The following CCDC30 variants were observed in gnomAD, a reference collection of about 807,000 sequenced individuals.
The protein encoded by CCDC30 is coiled-coil domain-containing protein 30.
Under a neutral mutation model 100.2 loss-of-function variants are expected in CCDC30, and 70 were observed. The observed-to-expected ratio is 0.70, with a 90% CI of 0.58 to 0.85. The LOEUF is 0.85. Among genes scored for constraint, CCDC30 ranks in the 40% least tolerant of loss-of-function variants. CCDC30 has a pLI of 0.00. For missense variants in CCDC30, 652 were observed against 771.2 expected (o/e 0.85, Z 1.83); for synonymous variants, 233 against 269.5 (o/e 0.86, Z 1.33).
At chr1:42,461,053 G>A (rs560466062), upstream of CCDC30, among the ~76,000 whole-genome samples, 3 of 152,292 alleles carry the variant, frequency 2.0e-5, no homozygotes, top group East Asian at 5.8e-4. Context: ...ATGATCTGTA[G>A]GATAGTCCAG....
At chr1:42,590,530 C>T in intron 10 of CCDC30, 1 of 152,402 alleles carries the variant, frequency 6.6e-6, no homozygotes, top group South Asian at 2.1e-4. Context: ...TGCTTGAGGC[C>T]AGGAGTTCAA....
At chr1:42,491,948 T>C in intron 4 of CCDC30, 1 of 869,398 alleles carries the variant, frequency 1.2e-6, no homozygotes, top group Non-Finnish European at 1.7e-6. Context: ...TTGAAGTGAG[T>C]CTTGCTGATC....
At chr1:42,535,970 C>T (rs1644896963) in intron 6 of CCDC30, among the ~76,000 whole-genome samples, 1 of 150,830 alleles carries the variant, frequency 6.6e-6, no homozygotes, top group Non-Finnish European at 1.5e-5. Flanking sequence ...TGAACTTGGA[C>T]AAATTATGTA....
intron 1 of CCDC30, among the ~76,000 whole-genome samples, chr1:42,478,173 A>G (rs1350982437): frequency 1.3e-5 from 2 of 152,226 alleles, no homozygotes; most frequent in African/African-American, 2.4e-5. Context: ...GGCAGCTAAC[A>G]TGATCTGATT....
At chr1:42,645,916 T>C (rs1207339129) in intron 14 of CCDC30, among the ~76,000 whole-genome samples, 1 of 152,230 alleles carries the variant, frequency 6.6e-6, no homozygotes, top group East Asian at 1.9e-4. Context: ...AAATAAGTAC[T>C]ATAGTATTAC....
At chr1:42,617,203 C>A (rs1646742342) in intron 11 of CCDC30, among the ~76,000 whole-genome samples, 1 of 152,054 alleles carries the variant, frequency 6.6e-6, no homozygotes. Context: ...CTTTCAGAGG[C>A]CAAGGCAGGA....
chr1:42,563,809 G>A (rs1241361288), intron 6 of CCDC30, among the ~76,000 whole-genome samples: 5 of 152,034 alleles, frequency 3.3e-5, no homozygotes, highest in South Asian at 2.1e-4. Context: ...CCCAGGAGGC[G>A]GAGGTTGTGG....
At chr1:42,637,533 A>G (rs911010736) in intron 12 of CCDC30, among the ~76,000 whole-genome samples, 155 bp downstream of exon 16, 2 of 152,222 alleles carry the variant, frequency 1.3e-5, no homozygotes, top group African/African-American at 4.8e-5. Flanking sequence ...TAATTCTTTA[A>G]GCCCTGACCA....
Position 42,542,539 on chromosome 1 carries a change from CTTTTT to C in CCDC30, c.457-23739_457-23735del, listed in dbSNP as rs58751072. Among the ~76,000 whole-genome samples, 6 of 75,560 alleles carry C rather than the reference CTTTTT, an allele frequency of 7.9e-5. No individual in the cohort carries two copies. The East Asian group carries it at 2.0e-3, about 25-fold the overall frequency. 49.6% of individuals were successfully genotyped at this position (75,560 alleles called of 152,430 possible). On this transcript the variant is annotated intron_variant, in intron 6 of 16. Coordinates refer to ENST00000668663, the Ensembl canonical transcript of CCDC30. ...CACACCTGGCTAATTTTAAATTTTT[CTTTTT>C]TTTTTTTTTTTTTTTTTGAGACGGA...
At chr1:42,461,688 A>G (rs949769816), upstream of CCDC30, among the ~76,000 whole-genome samples, 1 of 151,892 alleles carries the variant, frequency 6.6e-6, no homozygotes. Flanking sequence ...CTGGGACTAC[A>G]GGCGCCCGCC....
chr1:42,498,317 G>A (rs1197117906), intron 5 of CCDC30, among the ~76,000 whole-genome samples: 1 of 152,166 alleles, frequency 6.6e-6, no homozygotes, highest in Non-Finnish European at 1.5e-5. Flanking sequence ...TGGGTATAGA[G>A]TTTCAGTGCA....
intron 7 of CCDC30, among the ~76,000 whole-genome samples, chr1:42,570,330 A>C (rs908821736): frequency 6.6e-6 from 1 of 151,996 alleles, no homozygotes; most frequent in African/African-American, 2.4e-5. Context: ...TGTCTCAAAA[A>C]AAAAATTAAA....
intron 4 of CCDC30, chr1:42,491,951 T>G (rs1644150230): frequency 1.1e-6 from 1 of 884,902 alleles, no homozygotes; most frequent in East Asian, 2.8e-5. Flanking sequence ...AAGTGAGTCT[T>G]GCTGATCTGC....
intron 9 of CCDC30, among the ~76,000 whole-genome samples, chr1:42,586,276 G>T (rs1419990480): frequency 2.6e-5 from 4 of 152,108 alleles, no homozygotes. Context: ...CGTAGGCCTA[G>T]CTCATGCAGA....
Position 42,468,370 on chromosome 1 carries a change from G to C in CCDC30, c.-92+4472G>C, listed in dbSNP as rs186274802. On this transcript the variant is annotated intron_variant, in intron 1 of 16. Coordinates refer to ENST00000668663, the Ensembl canonical transcript of CCDC30. ...TGCTCAAGCTTCAGCTATCTTGTCT[G>C]AATTCCAGCTAGTAGAAAGGAGTAA... Among the ~76,000 whole-genome samples, 133 of 152,270 alleles carry C rather than the reference G, an allele frequency of 8.7e-4. 3 individuals are homozygous for C. The highest frequency in any genetic ancestry group is 3.1e-3 in the African/African-American group (130 of 41,554).
intron 6 of CCDC30, among the ~76,000 whole-genome samples, chr1:42,500,577 C>T (rs1224780988): frequency 6.6e-6 from 1 of 152,046 alleles, no homozygotes; most frequent in East Asian, 1.9e-4. Context: ...CCACGCCCGG[C>T]TAATTTTTTG....
upstream of CCDC30, chr1:42,459,723 A>C: frequency 6.2e-7 from 1 of 1,614,218 alleles, no homozygotes; most frequent in Non-Finnish European, 8.5e-7. Flanking sequence ...TCGAGCTCGG[A>C]AGGCTTTGGA....
intron 6 of CCDC30, among the ~76,000 whole-genome samples, chr1:42,549,593 A>G (rs1425895643): frequency 1.3e-5 from 2 of 152,224 alleles, no homozygotes; most frequent in African/African-American, 4.8e-5. Flanking sequence ...CATGAGAGGT[A>G]GGGTGGGAGG....
chr1:42,554,430 A>G (rs1402837573), intron 6 of CCDC30, among the ~76,000 whole-genome samples: 1 of 151,950 alleles, frequency 6.6e-6, no homozygotes, highest in Non-Finnish European at 1.5e-5. Context: ...GGTATGTACC[A>G]CCACACCTGG....
Sources: allele counts gnomAD v4.1 joint callset (sites outside exome capture counted in the v4.1 genomes callset), GRCh38; gene constraint gnomAD v4.1.1; transcripts MANE v1.5; gene names NCBI Gene and HGNC (gene_info 2026-07-23, HGNC 2026-07-21).